Variants in INTS14 observed in about 807,000 individuals in gnomAD.
INTS14 encodes UPF0464 protein C15orf44.
Under a neutral mutation model 56.9 loss-of-function variants are expected in INTS14, and 27 were observed. The observed-to-expected ratio is 0.47, with a 90% CI of 0.35 to 0.65. The LOEUF (loss-of-function observed/expected upper bound fraction) is 0.65. INTS14 is among the 30% of genes least tolerant of loss of function. INTS14 has a pLI of 0.00. For missense variants in INTS14, 517 were observed against 632.2 expected (o/e 0.82, Z 1.95); for synonymous variants, 207 against 236.2 (o/e 0.88, Z 1.13).
chr15:65,588,027 C>T (rs2072891152), intron 9 of INTS14, among the ~76,000 whole-genome samples: 1 of 152,006 alleles, frequency 6.6e-6, no homozygotes, highest in Non-Finnish European at 1.5e-5. Flanking sequence ...GTGGCTCGTG[C>T]CTGTAATTCC....
chr15:65,607,166 G>A lies in INTS14; in HGVS notation c.215C>T (p.Thr72Ile). ...LMVPFTRDYN[T>I]LQEALSNMDD... is the part of the protein sequence containing the mutation. ...ACTTACTACATTTTGTACCTGTAGG[G>A]TATTATAATCTCTCGTGAAGGGGAC... The change falls in exon 2 of 12, where the codon ACC becomes ATC. Residue 72 changes from threonine (T) to isoleucine (I), a missense_variant. Transcript: ENST00000313182. 1 of 1,614,098 alleles carries A rather than the reference G, an allele frequency of 6.2e-7. No homozygotes were observed. Among genetic ancestry groups the A allele is most frequent in the Non-Finnish European group, 8.5e-7 (1 of 1,179,984 alleles).
intron 3 of INTS14, among the ~76,000 whole-genome samples, chr15:65,602,335 G>A (rs2073467762): frequency 1.3e-5 from 2 of 149,904 alleles, no homozygotes; most frequent in South Asian, 4.2e-4. Flanking sequence ...GCCCAGACTG[G>A]AGTGCAGTGG....
intron 3 of INTS14, among the ~76,000 whole-genome samples, chr15:65,600,694 G>C (rs2073401161): frequency 2.6e-5 from 4 of 151,620 alleles, no homozygotes; most frequent in Non-Finnish European, 1.5e-5. Context: ...AGAAAATTTT[G>C]TGAGGTGCTA....
chr15:65,610,451 T>G (rs2073865314), intron 1 of INTS14, among the ~76,000 whole-genome samples: 1 of 151,030 alleles, frequency 6.6e-6, no homozygotes, highest in Non-Finnish European at 1.5e-5. Context: ...AGCCCCCAAG[T>G]CTCCCACCCC....
intron 9 of INTS14, among the ~76,000 whole-genome samples, chr15:65,589,644 T>A (rs969594375): frequency 8.5e-5 from 13 of 152,176 alleles, no homozygotes; most frequent in African/African-American, 3.1e-4. Context: ...TCACTACCCT[T>A]CCCAACCTCT....
At chr15:65,591,808 T>C in intron 8 of INTS14, 77 bp from the exon 9 acceptor site, 1 of 1,514,492 alleles carries the variant, frequency 6.6e-7, no homozygotes. Flanking sequence ...AGCCTGTATT[T>C]TTCTCTTGAG....
chr15:65,588,576 A>T lies in INTS14; in HGVS notation c.1120+3022T>A, dbSNP rs112784416. On this transcript the variant is annotated intron_variant, in intron 9 of 11. Transcript: ENST00000313182. ...ACAGCTATTAGGGAGGCAGAGGCAG[A>T]AGAATTGCTTGAACCTGGGAGGTGA... 3.9e-3 allele frequency among the ~76,000 whole-genome samples: 597 copies of T among 151,920 alleles called. 3 individuals carry two copies. Among genetic ancestry groups the T allele is most frequent in the African/African-American group, 0.013 (545 of 41,488 alleles).
In INTS14 at chr15:65,607,553, G is replaced by T. The variant is rs2073702056; in HGVS notation, c.-62-111C>A. On this transcript the variant is annotated intron_variant, in intron 1 of 11. Transcript: ENST00000313182. ...CAGAGGCAAACACCATTTAAGTTGA[G>T]GTGAGGAATAATCTGTAGAGAACTC... The T allele has an allele frequency of 4.0e-6, 5 of 1,241,972 alleles. No individual in the cohort carries two copies. In the African/African-American group the frequency reaches 6.0e-5, roughly 15 times the overall value. The allele number at this position is 1,241,972 out of a possible 1,614,324, so 76.9% of individuals were successfully genotyped here.
chr15:65,601,962 T>A (rs2073449871), intron 3 of INTS14, among the ~76,000 whole-genome samples: 1 of 151,926 alleles, frequency 6.6e-6, no homozygotes, highest in Non-Finnish European at 1.5e-5. Context: ...ACAGCTGTAA[T>A]CCCAGCACTT....
At chr15:65,606,435 A>G (rs2073656248) in intron 2 of INTS14, among the ~76,000 whole-genome samples, 1 of 152,090 alleles carries the variant, frequency 6.6e-6, no homozygotes, top group Non-Finnish European at 1.5e-5. Flanking sequence ...TTTTATTAAA[A>G]ATAGAGACGG....
chr15:65,611,113 G>A lies in INTS14; in HGVS notation c.-78C>T, dbSNP rs1470324905. 7 of 1,535,122 alleles carry A rather than the reference G, an allele frequency of 4.6e-6. No individual in the cohort carries two copies. Among genetic ancestry groups the A allele is most frequent in the African/African-American group, 4.1e-5 (3 of 72,680 alleles). On this transcript the variant is annotated 5_prime_UTR_variant, in exon 1 of 12. Coordinates refer to ENST00000313182, the MANE Select transcript of INTS14 (RefSeq NM_001394796.1). ...CCCCACTCACCCCGTGCCCATCGCC[G>A]GACACAGTCCGTCGGCATAAACTTT...
At chr15:65,602,608 T>A (rs1240724264) in intron 3 of INTS14, among the ~76,000 whole-genome samples, 2 of 152,124 alleles carry the variant, frequency 1.3e-5, no homozygotes, top group Non-Finnish European at 2.9e-5. Flanking sequence ...TTAAGCAAGT[T>A]TGTTTTATAG....
intron 6 of INTS14, 103 bp downstream of exon 6, chr15:65,598,218 T>C: frequency 2.5e-6 from 3 of 1,216,006 alleles, no homozygotes; most frequent in Non-Finnish European, 3.4e-6. Context: ...ACAATATATA[T>C]TTCTTTTCAA....
rs1463815633 is a variant in INTS14 at position 65,579,368 on chromosome 15, A to G, written c.*40T>C. 2 of 1,594,194 alleles carry G rather than the reference A, an allele frequency of 1.3e-6. No individual in the cohort carries two copies. Among genetic ancestry groups the G allele is most frequent in the Non-Finnish European group, 1.7e-6 (2 of 1,166,074 alleles). On this transcript the variant is annotated 3_prime_UTR_variant, in exon 12 of 12. Coordinates refer to ENST00000313182, the MANE Select transcript of INTS14 (RefSeq NM_001394796.1). ...AAAGGTTTTTACCTAAAGCATTTTC[A>G]GTTGAAATGAAAAAAGAAGGAAAGC...
intron 9 of INTS14, 69 bp downstream of exon 9, chr15:65,591,529 A>G (rs1452482749): frequency 1.3e-5 from 21 of 1,563,940 alleles, no homozygotes; most frequent in Non-Finnish European, 1.7e-5. Context: ...CTGACTGCAC[A>G]GTCAGAGACA....
At chr15:65,610,577 G>A in intron 1 of INTS14, 1 of 1,258,888 alleles carries the variant, frequency 7.9e-7, no homozygotes, top group African/African-American at 1.5e-5. Flanking sequence ...CCATCAGCTA[G>A]ACGTTTGTAA....
intron 3 of INTS14, among the ~76,000 whole-genome samples, chr15:65,600,341 A>C (rs572944351): frequency 1.7e-4 from 25 of 144,846 alleles, no homozygotes; most frequent in Admixed American, 4.1e-4. Context: ...CAAAACAAAA[A>C]AAACAGGCCT....
intron 3 of INTS14, among the ~76,000 whole-genome samples, chr15:65,603,656 A>G (rs929213179): frequency 2.0e-5 from 3 of 151,892 alleles, no homozygotes; most frequent in Non-Finnish European, 2.9e-5. Flanking sequence ...TAGTGATGCT[A>G]CTGACATTAC....
intron 9 of INTS14, among the ~76,000 whole-genome samples, chr15:65,589,401 A>G (rs2072942944): frequency 6.6e-6 from 1 of 152,178 alleles, no homozygotes; most frequent in South Asian, 2.1e-4. Flanking sequence ...CAAGTGATCC[A>G]CCTGCCCTGG....
Sources: allele counts gnomAD v4.1 joint callset (sites outside exome capture counted in the v4.1 genomes callset), GRCh38; gene constraint gnomAD v4.1.1; transcripts MANE v1.5; gene names NCBI Gene and HGNC (gene_info 2026-07-23, HGNC 2026-07-21).